Variants in RYR3 observed in about 807,000 individuals in gnomAD.
RYR3 encodes the protein brain ryanodine receptor-calcium release channel.
Under a neutral mutation model 584.3 loss-of-function variants are expected in RYR3, and 207 were observed. That is an observed-to-expected ratio of 0.35 (90% CI 0.32 to 0.40). RYR3 has a LOEUF of 0.40. Ranked by LOEUF, RYR3 falls within the 10% of genes least tolerant of loss-of-function variation. The pLI is 1.00. For missense variants in RYR3, 5,616 were observed against 6,089.2 expected, an observed-to-expected ratio of 0.92 and a Z score of 2.59; for synonymous variants, 2,416 against 2,248.5, an observed-to-expected ratio of 1.07 and a Z score of -2.11.
chr15:33,398,409 G>T (rs913486782), intron 1 of RYR3, among the ~76,000 whole-genome samples: 2 of 152,200 alleles, frequency 1.3e-5, no homozygotes, highest in Non-Finnish European at 2.9e-5. Context: ...TCTGAGTGGG[G>T]AAAGTGAATG....
intron 1 of RYR3, among the ~76,000 whole-genome samples, chr15:33,377,591 T>G (rs1210352872): frequency 6.6e-6 from 1 of 152,126 alleles, no homozygotes; most frequent in Admixed American, 6.5e-5. Context: ...ATAGCAGAAG[T>G]GTTAAACGCA....
intron 3 of RYR3, among the ~76,000 whole-genome samples, chr15:33,522,766 C>G (rs1232309623): frequency 3.3e-5 from 5 of 152,140 alleles, no homozygotes; most frequent in Non-Finnish European, 7.4e-5. Context: ...CTGTACTTAG[C>G]GAGCTCCTGT....
At chr15:33,526,526 A>G (rs777935821) in intron 3 of RYR3, among the ~76,000 whole-genome samples, 2 of 152,208 alleles carry the variant, frequency 1.3e-5, no homozygotes. Context: ...CTGGAATGTT[A>G]TTCCAGAATT....
At chr15:33,804,334 A>G (rs8037952) in intron 69 of RYR3, among the ~76,000 whole-genome samples, 1 of 151,848 alleles carries the variant, frequency 6.6e-6, no homozygotes, top group Admixed American at 6.6e-5. Flanking sequence ...GGGTAACAAG[A>G]GTTCATATTG....
chr15:33,660,009 C>T (rs1449572203), intron 33 of RYR3, among the ~76,000 whole-genome samples, 188 bp from the exon 34 acceptor site: 1 of 152,118 alleles, frequency 6.6e-6, no homozygotes, highest in Admixed American at 6.5e-5. Flanking sequence ...CTTTTGGGTG[C>T]TGAAAGAATC....
intron 2 of RYR3, among the ~76,000 whole-genome samples, chr15:33,483,526 C>T (rs1416741923): frequency 6.6e-6 from 1 of 152,078 alleles, no homozygotes; most frequent in African/African-American, 2.4e-5. Flanking sequence ...AAATTTTGCC[C>T]TTAGTTCTAA....
intron 38 of RYR3, among the ~76,000 whole-genome samples, chr15:33,672,950 G>A (rs979735183): frequency 1.3e-5 from 2 of 152,100 alleles, no homozygotes; most frequent in Admixed American, 6.5e-5. Flanking sequence ...AAAAACGTCC[G>A]GGTGTCTGAT....
At chr15:33,650,470 G>C (rs2062402015) in intron 31 of RYR3, among the ~76,000 whole-genome samples, 1 of 152,164 alleles carries the variant, frequency 6.6e-6, no homozygotes, top group Non-Finnish European at 1.5e-5. Context: ...TAACCTCCCT[G>C]GGCCTCGATT....
chr15:33,387,059 A>G (rs1286758288), intron 1 of RYR3, among the ~76,000 whole-genome samples: 1 of 151,892 alleles, frequency 6.6e-6, no homozygotes, highest in South Asian at 2.1e-4. Flanking sequence ...GGGTTTCACC[A>G]CGTTAGCCAG....
At chr15:33,766,706 C>G (rs965047160) in intron 60 of RYR3, among the ~76,000 whole-genome samples, 1 of 152,232 alleles carries the variant, frequency 6.6e-6, no homozygotes, top group African/African-American at 2.4e-5. Flanking sequence ...CAGAAGCAGT[C>G]GTGTTTGCAC....
intron 60 of RYR3, among the ~76,000 whole-genome samples, chr15:33,765,426 A>G (rs1245379574): frequency 6.6e-6 from 1 of 152,118 alleles, no homozygotes; most frequent in Non-Finnish European, 1.5e-5. Context: ...TGAGGTCAGG[A>G]GTTCGAGACC....
At chr15:33,745,227 T>C (rs967722022) in intron 52 of RYR3, among the ~76,000 whole-genome samples, 1 of 152,000 alleles carries the variant, frequency 6.6e-6, no homozygotes, top group African/African-American at 2.4e-5. Flanking sequence ...AGGAGACATG[T>C]AGAGAAGTAA....
chr15:33,398,913 C>G (rs2042460158), intron 1 of RYR3, among the ~76,000 whole-genome samples: 1 of 152,196 alleles, frequency 6.6e-6, no homozygotes. Context: ...TGTCATCTCA[C>G]AGGGCGTGCC....
intron 1 of RYR3, among the ~76,000 whole-genome samples, chr15:33,376,127 C>T (rs1316791971): frequency 6.6e-6 from 1 of 152,142 alleles, no homozygotes; most frequent in Non-Finnish European, 1.5e-5. Context: ...TTTCAGGCAA[C>T]GTTCTTCTCC....
chr15:33,376,659 A>G (rs2040766538), intron 1 of RYR3, among the ~76,000 whole-genome samples: 1 of 152,186 alleles, frequency 6.6e-6, no homozygotes, highest in African/African-American at 2.4e-5. Flanking sequence ...CTTGGTCTGA[A>G]GTGGGGAACC....
rs1555469372 is a variant in RYR3 at position 33,432,697 on chromosome 15, T to TGTGTGTG, written c.52-40722_52-40721insGTGTGTG. Among the ~76,000 whole-genome samples the TGTGTGTG allele has an allele frequency of 6.1e-3, 910 of 148,966 alleles. 11 individuals carry two copies. Among genetic ancestry groups the TGTGTGTG allele is most frequent in the African/African-American group, 0.021 (835 of 39,972 alleles). On this transcript the variant is annotated intron_variant, in intron 1 of 103. Coordinates refer to ENST00000634891, the MANE Select transcript of RYR3 (RefSeq NM_001036.6). ...GTGTGTGTGTGTGTGTGTGTGTGTG[T>TGTGTGTG]TTAAAGTAGAGATGGGGTTTCACTA...
At chr15:33,675,670 G>T (rs960960077) in intron 38 of RYR3, among the ~76,000 whole-genome samples, 1 of 152,138 alleles carries the variant, frequency 6.6e-6, no homozygotes, top group Non-Finnish European at 1.5e-5. Flanking sequence ...ACCTCATTGG[G>T]TTGATATAAG....
intron 60 of RYR3, among the ~76,000 whole-genome samples, chr15:33,758,315 AG>A (rs2072062256): frequency 1.3e-5 from 2 of 152,134 alleles, no homozygotes. Context: ...CCTGGAAAGG[AG>A]GCTGAAGCCA....
At chr15:33,354,790 A>T (rs1385480049) in intron 1 of RYR3, among the ~76,000 whole-genome samples, 3 of 152,230 alleles carry the variant, frequency 2.0e-5, no homozygotes, top group Non-Finnish European at 2.9e-5. Flanking sequence ...GCAATTCACA[A>T]GTAAAGTAGT....
Sources: allele counts gnomAD v4.1 joint callset (sites outside exome capture counted in the v4.1 genomes callset), GRCh38; gene constraint gnomAD v4.1.1; transcripts MANE v1.5; gene names NCBI Gene and HGNC (gene_info 2026-07-23, HGNC 2026-07-21).